Variants in MYT1L observed in about 807,000 individuals in gnomAD.
MYT1L encodes the protein myelin transcription factor 1-like protein.
In MYT1L, 12 loss-of-function variants were observed where a neutral mutation model predicts 126.7. That is an observed-to-expected ratio of 0.09 (90% CI 0.06 to 0.15). MYT1L has a LOEUF of 0.15. Among genes scored for constraint, MYT1L ranks in the 10% least tolerant of loss-of-function variants. The probability of loss-of-function intolerance (pLI) is 1.00; values close to 1 mark genes in which losing one functional copy is unlikely to be tolerated. For synonymous variants in MYT1L, 541 were observed against 604.2 expected (o/e 0.90, Z 1.53); for missense variants, 979 against 1,585.2 (o/e 0.62, Z 6.49).
intron 2 of MYT1L, among the ~76,000 whole-genome samples, chr2:2,236,804 TCTTC>T (rs1559421200): frequency 9.8e-5 from 2 of 20,362 alleles, no homozygotes; most frequent in Non-Finnish European, 7.6e-5. Flanking sequence ...TTCTTCTTCT[TCTTC>T]TTCTTCTTTT....
chr2:2,017,752 C>T (rs2064584131), intron 4 of MYT1L, among the ~76,000 whole-genome samples: 1 of 152,092 alleles, frequency 6.6e-6, no homozygotes, highest in South Asian at 2.1e-4. Flanking sequence ...ATCCATCCAT[C>T]CATCTTATAA....
chr2:2,268,606 C>A (rs2095191825), intron 2 of MYT1L, among the ~76,000 whole-genome samples: 1 of 152,038 alleles, frequency 6.6e-6, no homozygotes, highest in Non-Finnish European at 1.5e-5. Context: ...AAATAGAAAT[C>A]AATGGTAAGA....
intron 18 of MYT1L, among the ~76,000 whole-genome samples, chr2:1,878,370 A>T (rs542642178): frequency 6.6e-6 from 1 of 152,350 alleles, no homozygotes; most frequent in African/African-American, 2.4e-5. Flanking sequence ...GCTTAGTAGT[A>T]TAAGCCAGAT....
intron 20 of MYT1L, among the ~76,000 whole-genome samples, chr2:1,840,392 A>G (rs2041506671): frequency 6.6e-6 from 1 of 152,252 alleles, no homozygotes; most frequent in Admixed American, 6.5e-5. Context: ...AATACCAGTG[A>G]AACATCCGCT....
chr2:2,175,114 C>T (rs535997295), intron 2 of MYT1L, among the ~76,000 whole-genome samples: 1 of 152,108 alleles, frequency 6.6e-6, no homozygotes. Context: ...CGGGAATTAT[C>T]ATGCAAATGT....
intron 1 of MYT1L, among the ~76,000 whole-genome samples, chr2:2,321,750 T>C (rs1310609632): frequency 6.6e-6 from 1 of 152,196 alleles, no homozygotes; most frequent in African/African-American, 2.4e-5. Flanking sequence ...AGTTGTTTGA[T>C]TTAGAGTCCT....
intron 18 of MYT1L, 57 bp from the exon 19 acceptor site, chr2:1,851,760 A>G: frequency 6.5e-7 from 1 of 1,532,328 alleles, no homozygotes; most frequent in Non-Finnish European, 9.0e-7. Context: ...TCCCTGAACA[A>G]TTAACTTTTT....
chr2:1,936,385 C>T (rs1028638640), intron 9 of MYT1L, among the ~76,000 whole-genome samples: 1 of 152,162 alleles, frequency 6.6e-6, no homozygotes, highest in Non-Finnish European at 1.5e-5. Flanking sequence ...TATATTGACA[C>T]CTAAAAATGT....
At chr2:2,178,623 G>A (rs1407303304) in intron 2 of MYT1L, among the ~76,000 whole-genome samples, 1 of 152,176 alleles carries the variant, frequency 6.6e-6, no homozygotes, top group African/African-American at 2.4e-5. Context: ...CTGTTTGCCT[G>A]CAGCCCACTC....
intron 4 of MYT1L, among the ~76,000 whole-genome samples, chr2:2,025,008 C>G (rs2065395808): frequency 6.6e-6 from 1 of 152,262 alleles, no homozygotes; most frequent in Non-Finnish European, 1.5e-5. Flanking sequence ...TCCCGTGGGT[C>G]TGTTTTTATT....
At chr2:2,166,880 C>T (rs116711045) in intron 3 of MYT1L, among the ~76,000 whole-genome samples, 1,604 of 152,244 alleles carry the variant, frequency 0.011, 37 homozygotes, top group African/African-American at 0.036. Flanking sequence ...CATAGTTTTG[C>T]TTCTCTTCTG....
intron 3 of MYT1L, among the ~76,000 whole-genome samples, chr2:2,074,918 A>G (rs866915466): frequency 2.8e-4 from 42 of 152,230 alleles, no homozygotes; most frequent in African/African-American, 9.4e-4. Context: ...GTGCTATTTT[A>G]TATAATCTTT....
rs987771928 is a variant in MYT1L at position 2,238,978 on chromosome 2, C to T, written c.-421+45426G>A. Among the ~76,000 whole-genome samples, 5 of 152,302 alleles carry T rather than the reference C, an allele frequency of 3.3e-5. No homozygotes were observed. The South Asian group carries it at 1.0e-3, about 32-fold the overall frequency. ...CAAAGAGTGAGAACTGGTTAAGTGT[C>T]AGCTCTCCACATGCCAGCTCCTGGG... On this transcript the variant is annotated intron_variant, in intron 2 of 24. Coordinates refer to ENST00000647738, the MANE Select transcript of MYT1L (RefSeq NM_001303052.2).
intron 1 of MYT1L, among the ~76,000 whole-genome samples, chr2:2,318,953 A>C (rs1487434204): frequency 1.3e-5 from 2 of 152,194 alleles, no homozygotes; most frequent in Non-Finnish European, 2.9e-5. Flanking sequence ...CAAAATTCTT[A>C]ATTCTAAATA....
At chr2:2,221,379 G>A (rs1391826188) in intron 2 of MYT1L, among the ~76,000 whole-genome samples, 1 of 152,106 alleles carries the variant, frequency 6.6e-6, no homozygotes, top group Non-Finnish European at 1.5e-5. Flanking sequence ...ACAGAAATCT[G>A]GTCCTGGTGG....
intron 14 of MYT1L, among the ~76,000 whole-genome samples, chr2:1,900,775 T>C (rs367803432): frequency 4.9e-4 from 75 of 152,236 alleles, no homozygotes; most frequent in African/African-American, 1.8e-3. Context: ...GAGGCTGCAT[T>C]TCCTTTGCTC....
intron 4 of MYT1L, among the ~76,000 whole-genome samples, chr2:2,031,067 G>A (rs1247658081): frequency 6.6e-6 from 1 of 152,172 alleles, no homozygotes; most frequent in Non-Finnish European, 1.5e-5. Flanking sequence ...AAAACAGCAT[G>A]TTTACTCTAA....
At chr2:2,048,107 T>C (rs2068407612) in intron 4 of MYT1L, among the ~76,000 whole-genome samples, 1 of 152,140 alleles carries the variant, frequency 6.6e-6, no homozygotes. Context: ...CCTCCATCCG[T>C]GTTACTGCTT....
intron 18 of MYT1L, among the ~76,000 whole-genome samples, chr2:1,858,303 T>C (rs960914451): frequency 2.6e-5 from 4 of 152,244 alleles, no homozygotes; most frequent in African/African-American, 9.6e-5. Flanking sequence ...GCTGCAACTT[T>C]CTTTCCAAAC....
Sources: gnomAD v4.1 joint callset for allele counts (sites outside exome capture counted in the v4.1 genomes callset) on GRCh38, gnomAD v4.1.1 for gene constraint, MANE v1.5 for transcripts, NCBI Gene and HGNC (gene_info 2026-07-23, HGNC 2026-07-21) for gene names.